Variants in CNTN5 observed in about 807,000 individuals in gnomAD.
CNTN5 encodes the protein contactin-5.
In CNTN5, 77 loss-of-function variants were observed where a neutral mutation model predicts 129.1. The observed-to-expected ratio is 0.60, with a 90% CI of 0.50 to 0.72. The LOEUF (loss-of-function observed/expected upper bound fraction) is 0.72, where lower values mean the gene tolerates loss of function less well. Among genes scored for constraint, CNTN5 ranks in the 30% least tolerant of loss-of-function variants. The pLI is 0.00. For synonymous variants in CNTN5, 509 were observed against 465.6 expected, an observed-to-expected ratio of 1.09 and a Z score of -1.20; for missense variants, 1,478 against 1,328.8, an observed-to-expected ratio of 1.11 and a Z score of -1.75.
chr11:99,196,231 G>A (rs1302514587), intron 1 of CNTN5, among the ~76,000 whole-genome samples: 1 of 149,830 alleles, frequency 6.7e-6, no homozygotes, highest in Non-Finnish European at 1.5e-5. Context: ...TTCAAATAAA[G>A]AAATATATAT....
At chr11:99,820,818 A>T (rs1300258637) in intron 4 of CNTN5, among the ~76,000 whole-genome samples, 5 of 152,234 alleles carry the variant, frequency 3.3e-5, no homozygotes, top group Non-Finnish European at 7.3e-5. Flanking sequence ...GCTGCATTTC[A>T]TTTATGACTG....
At chr11:99,261,101 G>T (rs1044248967) in intron 1 of CNTN5, among the ~76,000 whole-genome samples, 1 of 151,794 alleles carries the variant, frequency 6.6e-6, no homozygotes, top group Non-Finnish European at 1.5e-5. Context: ...TAAAAAAAAT[G>T]CAGTCCTAAA....
intron 7 of CNTN5, among the ~76,000 whole-genome samples, chr11:99,956,018 T>C (rs889518743): frequency 6.6e-6 from 1 of 152,162 alleles, no homozygotes; most frequent in African/African-American, 2.4e-5. Context: ...ACTGTTTTTC[T>C]TATATTTAAA....
At chr11:99,238,347 TAGAG>T (rs1422078248) in intron 1 of CNTN5, among the ~76,000 whole-genome samples, 8 of 152,158 alleles carry the variant, frequency 5.3e-5, no homozygotes, top group South Asian at 2.1e-4. Context: ...ATTTTTAAAT[TAGAG>T]AGAATCGATT....
At chr11:99,560,712 A>G (rs956793106) in intron 3 of CNTN5, among the ~76,000 whole-genome samples, 43 of 152,254 alleles carry the variant, frequency 2.8e-4, no homozygotes, top group African/African-American at 9.9e-4. Context: ...ACTGCACTCT[A>G]GTTAATAATA....
chr11:99,292,573 C>G (rs1220017531), intron 1 of CNTN5, among the ~76,000 whole-genome samples: 1 of 152,068 alleles, frequency 6.6e-6, no homozygotes, highest in Non-Finnish European at 1.5e-5. Context: ...GGGTCCAGTC[C>G]TTCCTTCCCA....
chr11:99,414,182 C>T (rs1448477167), intron 2 of CNTN5, among the ~76,000 whole-genome samples: 3 of 152,136 alleles, frequency 2.0e-5, no homozygotes, highest in African/African-American at 7.2e-5. Flanking sequence ...TGTCTTATAA[C>T]GCATTAGTTC....
chr11:100,027,207 T>C (rs1328884593), intron 9 of CNTN5, among the ~76,000 whole-genome samples: 1 of 152,252 alleles, frequency 6.6e-6, no homozygotes, highest in Non-Finnish European at 1.5e-5. Flanking sequence ...TTCCTGATTC[T>C]TTGCATACCT....
intron 1 of CNTN5, among the ~76,000 whole-genome samples, chr11:99,090,953 C>A (rs1866221432): frequency 7.7e-6 from 1 of 130,202 alleles, no homozygotes; most frequent in East Asian, 2.6e-4. Context: ...ACCCCGGAGG[C>A]GGAGCTTGCA....
At chr11:99,943,471 C>T (rs983533071) in intron 7 of CNTN5, among the ~76,000 whole-genome samples, 14 of 151,876 alleles carry the variant, frequency 9.2e-5, no homozygotes, top group East Asian at 1.9e-4. Context: ...AATTTTCTCC[C>T]GTTCTATATG....
chr11:99,333,942 A>T (rs1261380322), intron 2 of CNTN5, among the ~76,000 whole-genome samples: 2 of 142,174 alleles, frequency 1.4e-5, no homozygotes, highest in Non-Finnish European at 3.0e-5. Flanking sequence ...TATAGTGATT[A>T]TCAACTCATC....
chr11:99,845,280 T>G lies in CNTN5; in HGVS notation c.577+18T>G. On this transcript the variant is annotated intron_variant, in intron 6 of 24. Transcript: ENST00000524871. The stretch of plus-strand genomic sequence containing the variant: ...GTTTGCCTGTGAGTAAAATATATGA[T>G]TTTTCTATATATATGTATATAGTGT... The G allele has an allele frequency of 6.5e-7, 1 of 1,545,690 alleles. No homozygotes were observed. The highest frequency in any genetic ancestry group is 8.9e-7 in the Non-Finnish European group (1 of 1,127,164).
At chr11:100,091,562 G>A (rs1435150209) in intron 13 of CNTN5, among the ~76,000 whole-genome samples, 1 of 150,628 alleles carries the variant, frequency 6.6e-6, no homozygotes, top group South Asian at 2.1e-4. Flanking sequence ...CTGAGTAGCT[G>A]AGATTACAGG....
chr11:99,700,625 A>G (rs938400491), intron 3 of CNTN5, among the ~76,000 whole-genome samples: 3 of 151,452 alleles, frequency 2.0e-5, no homozygotes, highest in African/African-American at 7.2e-5. Context: ...CAAAAATAAT[A>G]AAAGCCTTAA....
chr11:99,556,336 C>A, intron 3 of CNTN5, 67 bp downstream of exon 3: 2 of 954,790 alleles, frequency 2.1e-6, no homozygotes, highest in Non-Finnish European at 3.1e-6. Context: ...ATATCAAGGT[C>A]TCCATTACAA....
chr11:99,696,918 T>G (rs1954294806), intron 3 of CNTN5, among the ~76,000 whole-genome samples: 1 of 151,902 alleles, frequency 6.6e-6, no homozygotes, highest in African/African-American at 2.4e-5. Flanking sequence ...AACTTAAGTT[T>G]AAAGACTATG....
At chr11:99,806,072 C>CTT (rs1158798820) in intron 3 of CNTN5, among the ~76,000 whole-genome samples, 1 of 152,164 alleles carries the variant, frequency 6.6e-6, no homozygotes, top group Non-Finnish European at 1.5e-5. Context: ...CCACATTAGC[C>CTT]TTGAACGTCT....
At chr11:99,920,913 T>A (rs538540450) in intron 7 of CNTN5, among the ~76,000 whole-genome samples, 1 of 152,260 alleles carries the variant, frequency 6.6e-6, no homozygotes, top group African/African-American at 2.4e-5. Context: ...ATGGGGCTTT[T>A]TTTTAGTTTT....
chr11:99,938,696 T>C (rs189445131), intron 7 of CNTN5, among the ~76,000 whole-genome samples: 15 of 152,228 alleles, frequency 9.9e-5, no homozygotes, highest in Admixed American at 9.8e-4. Context: ...ATCAATTTAG[T>C]AAATGCTTGC....
Sources: gnomAD v4.1 joint callset for allele counts (sites outside exome capture counted in the v4.1 genomes callset) on GRCh38, gnomAD v4.1.1 for gene constraint, MANE v1.5 for transcripts, NCBI Gene and HGNC (gene_info 2026-07-23, HGNC 2026-07-21) for gene names.